Variants in OTOGL observed in about 807,000 individuals in gnomAD.
The protein encoded by OTOGL is otogelin like.
Under a neutral mutation model 318.5 loss-of-function variants are expected in OTOGL, and 285 were observed. The ratio of observed to expected loss-of-function variants is 0.89; its 90% CI spans 0.81 to 0.99. The LOEUF is 0.99. Ranked by LOEUF, OTOGL falls within the 50% of genes least tolerant of loss-of-function variation. OTOGL has a pLI of 0.00. For synonymous variants in OTOGL, 987 were observed against 936.5 expected (o/e 1.05, Z -0.99); for missense variants, 2,899 against 2,845.6 (o/e 1.02, Z -0.43).
At chr12:80,277,896 G>C (rs1883928536) in intron 24 of OTOGL, among the ~76,000 whole-genome samples, 1 of 151,254 alleles carries the variant, frequency 6.6e-6, no homozygotes, top group African/African-American at 2.4e-5. Flanking sequence ...AGAAATTTAG[G>C]CTTCTGTCTT....
chr12:80,256,603 C>A (rs1882075865), intron 17 of OTOGL, 143 bp downstream of exon 17: 3 of 1,257,942 alleles, frequency 2.4e-6, no homozygotes, highest in Admixed American at 2.8e-5. Context: ...TGTCATCAGG[C>A]CATCAGCTAC....
intron 57 of OTOGL, 92 bp from the exon 58 acceptor site, chr12:80,377,031 C>A: frequency 6.4e-6 from 5 of 775,474 alleles, no homozygotes; most frequent in South Asian, 2.7e-5. Flanking sequence ...ATAAATACAC[C>A]AATTTTCAAC....
chr12:80,373,757 A>T (rs929654020), intron 57 of OTOGL, among the ~76,000 whole-genome samples: 1 of 151,866 alleles, frequency 6.6e-6, no homozygotes, highest in Non-Finnish European at 1.5e-5. Flanking sequence ...TTTTCCACTT[A>T]GTGGCGTTAA....
chr12:80,104,026 T>G lies in OTOGL; in HGVS notation c.-20+4421T>G, dbSNP rs1381794650. On this transcript the variant is annotated intron_variant, in intron 1 of 58. Coordinates refer to ENST00000547103, the MANE Select transcript of OTOGL (RefSeq NM_001378609.3). The stretch of plus-strand genomic sequence containing the variant: ...GACTTAATCCCAACACCTACAGAAG[T>G]TGGGCTGAAAAGATCAGAATTCCCA... 2.0e-5 allele frequency among the ~76,000 whole-genome samples: 3 copies of G among 152,152 alleles called. No homozygotes were observed. The East Asian group carries it at 5.8e-4, about 29-fold the overall frequency.
Position 80,111,289 on chromosome 12 carries a change from T to G in OTOGL, c.-20+11684T>G, listed in dbSNP as rs544506013. 2.6e-4 allele frequency among the ~76,000 whole-genome samples: 40 copies of G among 152,366 alleles called. No individual in the cohort carries two copies. The Middle Eastern group carries it at 0.01, about 39-fold the overall frequency. On this transcript the variant is annotated intron_variant, in intron 1 of 58. Transcript: ENST00000547103. ...TGTCAATCTTGGCTCTTGTTGCCAT[T>G]GCTTTTGGTGTTTTAGTCATGAAGT... is the stretch of plus-strand genomic sequence containing the variant.
At chr12:80,344,878 A>T (rs1375666560) in intron 44 of OTOGL, among the ~76,000 whole-genome samples, 8 of 150,640 alleles carry the variant, frequency 5.3e-5, no homozygotes, top group Non-Finnish European at 1.5e-5. Context: ...AATTTTTATA[A>T]TTTTTTTAAG....
chr12:80,331,701 G>A (rs780626308), intron 37 of OTOGL, among the ~76,000 whole-genome samples: 35 of 152,088 alleles, frequency 2.3e-4, no homozygotes, highest in Non-Finnish European at 4.6e-4. Flanking sequence ...CTCCAAAGAT[G>A]TCACTGTCTT....
intron 1 of OTOGL, among the ~76,000 whole-genome samples, chr12:80,147,008 C>T (rs942064201): frequency 1.3e-5 from 2 of 151,842 alleles, no homozygotes; most frequent in Admixed American, 6.6e-5. Context: ...AAAACCAGCT[C>T]CTGGATTCAT....
chr12:80,160,442 T>C (rs759689817), intron 1 of OTOGL, among the ~76,000 whole-genome samples: 6 of 151,912 alleles, frequency 3.9e-5, no homozygotes, highest in Non-Finnish European at 8.8e-5. Flanking sequence ...GAATAAGCAA[T>C]TCTCAAGATA....
At chr12:80,334,481 G>A (rs1411979028) in intron 38 of OTOGL, among the ~76,000 whole-genome samples, 1 of 152,018 alleles carries the variant, frequency 6.6e-6, no homozygotes, top group Non-Finnish European at 1.5e-5. Flanking sequence ...AAAAAATTTG[G>A]GAATTCTCAG....
At chr12:80,114,073 C>A (rs1163456641) in intron 1 of OTOGL, among the ~76,000 whole-genome samples, 2 of 152,048 alleles carry the variant, frequency 1.3e-5, no homozygotes, top group Non-Finnish European at 2.9e-5. Flanking sequence ...ATCCAATTTG[C>A]CAGTCTATGT....
intron 7 of OTOGL, among the ~76,000 whole-genome samples, chr12:80,224,766 T>C: frequency 6.6e-6 from 1 of 152,044 alleles, no homozygotes; most frequent in South Asian, 2.1e-4. Flanking sequence ...AGATTAATTT[T>C]GTATCCTGAA....
chr12:80,247,586 A>G (rs1232352603), intron 11 of OTOGL, among the ~76,000 whole-genome samples: 47 of 104,132 alleles, frequency 4.5e-4, no homozygotes, highest in Admixed American at 6.3e-4. Context: ...ACTTCCAACT[A>G]TGTGGTCAAT....
intron 24 of OTOGL, 51 bp downstream of exon 24, chr12:80,271,861 A>T (rs1440990674): frequency 6.5e-7 from 1 of 1,540,436 alleles, no homozygotes; most frequent in African/African-American, 1.4e-5. Flanking sequence ...CTGAAAGCAC[A>T]ATATCTCCTG....
At chr12:80,311,771 G>C (rs748350930) in intron 30 of OTOGL, among the ~76,000 whole-genome samples, 62 of 152,150 alleles carry the variant, frequency 4.1e-4, no homozygotes, top group Admixed American at 1.4e-3. Flanking sequence ...GGTGTCTGTT[G>C]TCTTTGATAA....
chr12:80,364,416 T>A (rs1890408305), intron 52 of OTOGL, among the ~76,000 whole-genome samples: 1 of 152,160 alleles, frequency 6.6e-6, no homozygotes, highest in Non-Finnish European at 1.5e-5. Flanking sequence ...TTTATTGAAT[T>A]AAATTCACAT....
At chr12:80,131,680 A>C (rs1871249802) in intron 1 of OTOGL, 1 of 152,196 alleles carries the variant, frequency 6.6e-6, no homozygotes, top group East Asian at 1.9e-4. Context: ...AATGGCATTT[A>C]TTTAGCTTTA....
chr12:80,145,589 G>A (rs915605345), intron 1 of OTOGL, among the ~76,000 whole-genome samples: 2 of 151,930 alleles, frequency 1.3e-5, no homozygotes, highest in African/African-American at 2.4e-5. Context: ...TTCCAATTCC[G>A]TGAAGAAAGG....
At position 80,254,581 on chromosome 12, in the gene OTOGL, A is replaced by T. The variant is rs1478227163; in HGVS notation, c.1441+11A>T. The T allele has an allele frequency of 2.5e-6, 4 of 1,598,834 alleles. No homozygotes were observed. Among genetic ancestry groups the T allele is most frequent in the Non-Finnish European group, 2.6e-6 (3 of 1,168,710 alleles). ...AGCAAGACTGTCCAGGTAATTTTTTAAAATGTTTTTATAGAGAATGTTTCA... is the reference window on the plus strand; with the variant it reads ...AGCAAGACTGTCCAGGTAATTTTTTTAAATGTTTTTATAGAGAATGTTTCA... On this transcript the variant is annotated intron_variant, in intron 15 of 58. Coordinates refer to ENST00000547103, the MANE Select transcript of OTOGL (RefSeq NM_001378609.3).
Sources: gnomAD v4.1 joint callset for allele counts (sites outside exome capture counted in the v4.1 genomes callset) on GRCh38, gnomAD v4.1.1 for gene constraint, MANE v1.5 for transcripts, NCBI Gene and HGNC (gene_info 2026-07-23, HGNC 2026-07-21) for gene names.